Variants in SAR1A observed in about 807,000 individuals in gnomAD.
SAR1A encodes small COPII coat GTPase SAR1A.
A neutral mutation model predicts 22.6 loss-of-function variants in SAR1A; 6 were observed. The observed-to-expected ratio is 0.27, with a 90% CI of 0.15 to 0.52. The LOEUF (loss-of-function observed/expected upper bound fraction) is 0.52. Ranked by LOEUF, SAR1A falls within the 20% of genes least tolerant of loss-of-function variation. The pLI is 0.96. For missense variants in SAR1A, 145 were observed against 245.1 expected (o/e 0.59, Z 2.73); for synonymous variants, 70 against 82.2 (o/e 0.85, Z 0.80).
At chr10:70,165,164 C>G (rs1316161638) in intron 1 of SAR1A, among the ~76,000 whole-genome samples, 1 of 147,134 alleles carries the variant, frequency 6.8e-6, no homozygotes, top group African/African-American at 2.5e-5. Context: ...ACTTGGGAGG[C>G]TGAGGCAGGA....
At chr10:70,155,762 G>A (rs148256278) in intron 5 of SAR1A, among the ~76,000 whole-genome samples, 221 of 152,264 alleles carry the variant, frequency 1.5e-3, no homozygotes, top group African/African-American at 5.3e-3. Context: ...GAGGGGTTGA[G>A]GAGAGGTACA....
At chr10:70,153,780 A>C in intron 6 of SAR1A, 58 bp downstream of exon 6, 10 of 1,411,094 alleles carry the variant, frequency 7.1e-6, no homozygotes, top group Non-Finnish European at 8.5e-6. Flanking sequence ...ATAGCGAAAC[A>C]TCATGTTTTA....
intron 5 of SAR1A, among the ~76,000 whole-genome samples, chr10:70,156,742 G>A (rs532740436): frequency 6.6e-6 from 1 of 151,366 alleles, no homozygotes; most frequent in Non-Finnish European, 1.5e-5. Context: ...AGCTATAGAT[G>A]TGAGAAACAT....
intron 6 of SAR1A, 66 bp downstream of exon 6, chr10:70,153,771 TA>T: frequency 7.5e-7 from 1 of 1,329,130 alleles, no homozygotes; most frequent in South Asian, 1.5e-5. Flanking sequence ...GTAATCTAGA[TA>T]GCGAAACATC....
intron 1 of SAR1A, among the ~76,000 whole-genome samples, chr10:70,163,190 A>C (rs1839499444): frequency 6.6e-6 from 1 of 152,264 alleles, no homozygotes; most frequent in Non-Finnish European, 1.5e-5. Context: ...GTGCTACTCC[A>C]GCAAACCCAT....
chr10:70,163,993 T>G (rs879074675), intron 1 of SAR1A: 2 of 1,080,472 alleles, frequency 1.9e-6, no homozygotes, highest in African/African-American at 3.1e-5. Flanking sequence ...ATTAGTGGTG[T>G]AGAACTTCAC....
rs1369702749 is a variant in SAR1A at position 70,149,466 on chromosome 10, G to A, written c.*3010C>T. 1.3e-5 allele frequency: 2 copies of A among 149,990 alleles called. No individual in the cohort carries two copies. Among genetic ancestry groups the A allele is most frequent in the Middle Eastern group, 3.2e-3 (1 of 310 alleles). 9.3% of individuals were successfully genotyped at this position (149,990 alleles called of 1,614,324 possible). Reference sequence around the variant, plus strand: ...ACTTTAGTTTTATGATCTCATTTGGGTTTTTGTAAAAGCAGTCTTCCTACA... The same window carrying A: ...ACTTTAGTTTTATGATCTCATTTGGATTTTTGTAAAAGCAGTCTTCCTACA... On this transcript the variant is annotated 3_prime_UTR_variant, in exon 7 of 7. Coordinates refer to ENST00000373241, the MANE Select transcript of SAR1A (RefSeq NM_020150.5).
chr10:70,161,494 T>C (rs773870900), intron 3 of SAR1A, 125 bp downstream of exon 3: 1 of 1,137,718 alleles, frequency 8.8e-7, no homozygotes, highest in Non-Finnish European at 1.2e-6. Flanking sequence ...TACAGGGAAC[T>C]TTCTCGTATG....
Position 70,152,307 on chromosome 10 carries a change from A to G in SAR1A, c.*169T>C, listed in dbSNP as rs1044916759. 1.1e-6 allele frequency: 1 copy of G among 930,946 alleles called. No individual in the cohort carries two copies. Among genetic ancestry groups the G allele is most frequent in the Non-Finnish European group, 1.7e-6 (1 of 605,240 alleles). The allele number at this position is 930,946 out of a possible 1,614,324, so 57.7% of individuals were successfully genotyped here. ...AGCATTACCTCCCAACAGTGTGGAGAAGAGCACATGTCACCACTGGGCAAT... is the reference window on the plus strand; with the variant it reads ...AGCATTACCTCCCAACAGTGTGGAGGAGAGCACATGTCACCACTGGGCAAT... On this transcript the variant is annotated 3_prime_UTR_variant, in exon 7 of 7. Coordinates refer to ENST00000373241, the MANE Select transcript of SAR1A (RefSeq NM_020150.5).
rs117659721 is a variant in SAR1A, at chr10:70,161,833, C to G, written c.58+25G>C. On this transcript the variant is annotated intron_variant, in intron 2 of 6. Transcript: ENST00000373241. ...GAGGGAAAGGCACAAACTTTGAAACCTGTATTTCAAGGAAATGGCTTTACC... is the reference window on the plus strand; with the variant it reads ...GAGGGAAAGGCACAAACTTTGAAACGTGTATTTCAAGGAAATGGCTTTACC... 2.0e-5 allele frequency: 32 copies of G among 1,612,692 alleles called. 1 individual carries two copies. In the African/African-American group the frequency reaches 3.5e-4, roughly 17 times the overall value.
At chr10:70,155,191 T>C (rs929807190) in intron 5 of SAR1A, 14 of 471,002 alleles carry the variant, frequency 3.0e-5, no homozygotes, top group African/African-American at 2.6e-4. Context: ...AATTCACAAA[T>C]AGTATCTATC....
At chr10:70,161,563 C>T in intron 3 of SAR1A, 56 bp downstream of exon 3, 1 of 1,588,060 alleles carries the variant, frequency 6.3e-7, no homozygotes, top group Non-Finnish European at 8.6e-7. Context: ...ATTCATCCTC[C>T]ACGCCTAACA....
Position 70,147,757 on chromosome 10 carries a change from G to A in SAR1A, c.*4719C>T, listed in dbSNP as rs1029527529. The A allele has an allele frequency of 1.3e-5, 2 of 152,326 alleles. No individual in the cohort carries two copies. The highest frequency in any genetic ancestry group is 6.5e-5 in the Admixed American group (1 of 15,294). The allele number at this position is 152,326 out of a possible 1,614,324, so 9.4% of individuals were successfully genotyped here. On this transcript the variant is annotated 3_prime_UTR_variant, in exon 7 of 7. Transcript: ENST00000373241. ...CGCTTTAGGACAGAGGAGGATGAAC[G>A]AGTATGTCGGGGAGTGGGGGGGCGC...
intron 1 of SAR1A, among the ~76,000 whole-genome samples, chr10:70,164,852 T>G (rs1342679095): frequency 6.6e-6 from 1 of 152,200 alleles, no homozygotes; most frequent in Admixed American, 6.5e-5. Context: ...AAAAAAGATT[T>G]GAAGATATTA....
At chr10:70,162,801 G>A (rs530891180) in intron 1 of SAR1A, 1 of 152,384 alleles carries the variant, frequency 6.6e-6, no homozygotes, top group South Asian at 2.1e-4. Flanking sequence ...CTAACAGCAT[G>A]TGCTCCCTTC....
intron 5 of SAR1A, chr10:70,155,170 T>C (rs769165445): frequency 4.1e-6 from 2 of 488,970 alleles, no homozygotes; most frequent in Non-Finnish European, 8.4e-6. Flanking sequence ...ATCTTATTTT[T>C]CAGTATAATG....
rs115983277 is a variant in SAR1A, at chr10:70,154,356, G to A, written c.349-387C>T. On this transcript the variant is annotated intron_variant, in intron 5 of 6. Transcript: ENST00000373241. ...AAAGATGACTACAGGAATTCCCCAA[G>A]TATTCACCAAGTCCCATTGTGTGCG... is the stretch of plus-strand genomic sequence containing the variant. Among the ~76,000 whole-genome samples, 801 of 152,252 alleles carry A rather than the reference G, an allele frequency of 5.3e-3. 6 individuals are homozygous for A. Among genetic ancestry groups the A allele is most frequent in the African/African-American group, 0.019 (769 of 41,538 alleles).
In SAR1A at chr10:70,156,565, G is replaced by T. The variant is rs577783422; in HGVS notation, c.348+1199C>A. On this transcript the variant is annotated intron_variant, in intron 5 of 6. Transcript: ENST00000373241. ...TGTATGCCTGTAGTCCTAGCTACTT[G>T]GGAGGCTGAGGCAGGAATATCGCTT... Among the ~76,000 whole-genome samples, 3 of 152,012 alleles carry T rather than the reference G, an allele frequency of 2.0e-5. No individual in the cohort carries two copies. In the South Asian group the frequency reaches 6.2e-4, roughly 32 times the overall value.
chr10:70,163,765 T>G, intron 1 of SAR1A: 1 of 1,036,862 alleles, frequency 9.6e-7, no homozygotes, highest in South Asian at 1.3e-5. Flanking sequence ...GTGATGGAAC[T>G]ATAACAACAA....
Sources: gnomAD v4.1 joint callset for allele counts (sites outside exome capture counted in the v4.1 genomes callset) on GRCh38, gnomAD v4.1.1 for gene constraint, MANE v1.5 for transcripts, NCBI Gene and HGNC (gene_info 2026-07-23, HGNC 2026-07-21) for gene names.